The following KLHDC4 variants were observed in gnomAD, a reference collection of about 807,000 sequenced individuals.
KLHDC4 encodes kelch domain containing 4, also known as kelch domain-containing protein 4.
KLHDC4 carries 90 observed loss-of-function variants against 62.4 expected under a neutral mutation model. The observed-to-expected ratio is 1.44, with a 90% CI of 1.22 to 1.72. The LOEUF (loss-of-function observed/expected upper bound fraction) is 1.72. KLHDC4 is among the 40% of genes most tolerant of loss of function. The pLI is 0.00. For synonymous variants in KLHDC4, 386 were observed against 284.4 expected (o/e 1.36, Z -3.59); for missense variants, 1,025 against 699.7 (o/e 1.47, Z -5.25).
chr16:87,722,742 G>A (rs1189443093), intron 7 of KLHDC4, among the ~76,000 whole-genome samples: 1 of 152,242 alleles, frequency 6.6e-6, no homozygotes, highest in Non-Finnish European at 1.5e-5. Flanking sequence ...AGGAGACCTG[G>A]CCTGGCTTGC....
At chr16:87,701,808 C>T (rs2034156513) in exon 1 of KLHDC4, 1 of 456,640 alleles carries the variant, frequency 2.2e-6, no homozygotes, top group Non-Finnish European at 4.4e-6. Flanking sequence ...CCCCATGGGA[C>T]AGAGGCCTCC....
chr16:87,740,290 G>C (rs917053189), intron 5 of KLHDC4, among the ~76,000 whole-genome samples: 1 of 152,094 alleles, frequency 6.6e-6, no homozygotes, highest in African/African-American at 2.4e-5. Flanking sequence ...CACCCGACAT[G>C]TGTGCATCCC....
At chr16:87,718,673 T>C (rs925353784) in intron 7 of KLHDC4, among the ~76,000 whole-genome samples, 1 of 151,150 alleles carries the variant, frequency 6.6e-6, no homozygotes, top group African/African-American at 2.4e-5. Context: ...GGAGCGTCTC[T>C]GCCTGGCCGC....
At chr16:87,701,574 G>C in exon 1 of KLHDC4, 1 of 409,868 alleles carries the variant, frequency 2.4e-6, no homozygotes, top group Non-Finnish European at 5.0e-6. Context: ...GCCGGGTGCT[G>C]GGCCCAGGCC....
intron 1 of KLHDC4, among the ~76,000 whole-genome samples, chr16:87,765,584 G>A (rs896220537): frequency 1.3e-5 from 2 of 152,160 alleles, no homozygotes; most frequent in Non-Finnish European, 2.9e-5. Flanking sequence ...GCTCCGAGAA[G>A]CGGACAGACA....
At chr16:87,703,339 G>A (rs2034264934), downstream of KLHDC4, 1 of 151,630 alleles carries the variant, frequency 6.6e-6, no homozygotes, top group Non-Finnish European at 1.5e-5. Context: ...GTCTCCCCCA[G>A]CCCTGAGTCT....
In KLHDC4 at chr16:87,709,526, C is replaced by G. The variant is rs546739765; in HGVS notation, c.1186G>C (p.Val396Leu). The G allele has an allele frequency of 4.7e-5, 76 of 1,612,350 alleles. 1 individual carries two copies. The South Asian group carries it at 8.2e-4, about 17-fold the overall frequency. Residue 396 changes from valine (V) to leucine (L), a missense_variant, in exon 10 of 12, where the codon GTC becomes CTC. Physicochemically the swap from Val to Leu is conservative, Grantham distance 32. Coordinates refer to ENST00000270583, the MANE Select transcript of KLHDC4 (RefSeq NM_017566.4). ...GCGGTGAGCACCTGCTTAATGGTGA[C>G]CACGGTGCCATCCTCGGCCACCACC... ...KEVVAEDGTV[V>L]TIKQVLTAPG...
intron 5 of KLHDC4, among the ~76,000 whole-genome samples, chr16:87,744,420 A>AC (rs1423604941): frequency 2.6e-5 from 4 of 151,118 alleles, no homozygotes; most frequent in African/African-American, 9.7e-5. Context: ...CGTCTCCAAA[A>AC]AAAAAAAAAA....
At chr16:87,753,970 CA>C (rs71230728) in intron 4 of KLHDC4, among the ~76,000 whole-genome samples, 817 of 63,286 alleles carry the variant, frequency 0.013, 3 homozygotes, top group African/African-American at 0.023. Context: ...GACACCATCT[CA>C]AAAAAAAAAA....
intron 3 of KLHDC4, 36 bp from the exon 4 acceptor site, chr16:87,755,328 G>T: frequency 1.8e-6 from 2 of 1,099,616 alleles, no homozygotes; most frequent in Non-Finnish European, 2.8e-6. Context: ...TGTCACAAAT[G>T]ATACGCTTCC....
intron 7 of KLHDC4, among the ~76,000 whole-genome samples, chr16:87,721,130 C>T (rs771008003): frequency 1.4e-4 from 21 of 152,198 alleles, no homozygotes; most frequent in Admixed American, 9.8e-4. Context: ...TTAAAAAATA[C>T]ACCCAGAAGG....
intron 5 of KLHDC4, among the ~76,000 whole-genome samples, chr16:87,731,420 C>T (rs1179161873): frequency 6.6e-6 from 1 of 151,278 alleles, no homozygotes; most frequent in Non-Finnish European, 1.5e-5. Context: ...AAAATATAGG[C>T]AAAAGATTTG....
chr16:87,723,427 C>G (rs954745692), intron 7 of KLHDC4, among the ~76,000 whole-genome samples: 2 of 152,254 alleles, frequency 1.3e-5, no homozygotes, highest in Non-Finnish European at 2.9e-5. Flanking sequence ...CTGATGAAAG[C>G]GATACAGCTT....
intron 7 of KLHDC4, among the ~76,000 whole-genome samples, chr16:87,721,595 C>G (rs899887582): frequency 2.0e-5 from 3 of 152,046 alleles, no homozygotes; most frequent in Non-Finnish European, 2.9e-5. Flanking sequence ...CAGGTGAGCA[C>G]GGAGCTCTGG....
chr16:87,744,041 G>A (rs4843694), intron 5 of KLHDC4, among the ~76,000 whole-genome samples: 7,731 of 152,188 alleles, frequency 0.051, 271 homozygotes, highest in East Asian at 0.15. Context: ...CAATTTGGGA[G>A]GCCGAGGGGG....
intron 5 of KLHDC4, among the ~76,000 whole-genome samples, chr16:87,740,225 C>G (rs35606819): frequency 0.087 from 13,169 of 152,210 alleles, 704 homozygotes; most frequent in South Asian, 0.16. Flanking sequence ...CAAGCTCAGC[C>G]GGCAGGGCAG....
intron 1 of KLHDC4, among the ~76,000 whole-genome samples, chr16:87,764,408 G>A (rs566411526): frequency 6.6e-6 from 1 of 152,050 alleles, no homozygotes; most frequent in Non-Finnish European, 1.5e-5. Context: ...CCAGCACTTT[G>A]GGAGGCCGAG....
intron 6 of KLHDC4, among the ~76,000 whole-genome samples, chr16:87,728,575 G>T (rs1242127795): frequency 2.6e-5 from 4 of 152,204 alleles, no homozygotes; most frequent in African/African-American, 9.6e-5. Flanking sequence ...TAAGTTCAAA[G>T]GAGGAAGGGG....
At chr16:87,754,137 C>G (rs1174145907) in intron 4 of KLHDC4, among the ~76,000 whole-genome samples, 1 of 151,894 alleles carries the variant, frequency 6.6e-6, no homozygotes, top group Non-Finnish European at 1.5e-5. Flanking sequence ...AAGACTCCCT[C>G]TCAAAAAAAA....
Sources: gnomAD v4.1 joint callset for allele counts (sites outside exome capture counted in the v4.1 genomes callset) on GRCh38, gnomAD v4.1.1 for gene constraint, MANE v1.5 for transcripts, NCBI Gene and HGNC (gene_info 2026-07-23, HGNC 2026-07-21) for gene names.